Variants in KIF26B observed in about 807,000 individuals in gnomAD.
KIF26B encodes the protein kinesin family member 26B.
KIF26B carries 63 observed loss-of-function variants against 151.2 expected under a neutral mutation model. That is an observed-to-expected ratio of 0.42 (90% confidence interval 0.34 to 0.51). KIF26B has a LOEUF of 0.51. Among genes scored for constraint, KIF26B ranks in the 20% least tolerant of loss-of-function variants. The pLI is 0.07. For synonymous variants in KIF26B, 1,357 were observed against 1,262.1 expected, an observed-to-expected ratio of 1.08 and a Z score of -1.59; for missense variants, 2,813 against 2,913.6, an observed-to-expected ratio of 0.97 and a Z score of 0.79.
chr1:245,610,407 C>T (rs886602891), intron 8 of KIF26B, among the ~76,000 whole-genome samples: 6 of 152,010 alleles, frequency 3.9e-5, no homozygotes, highest in Admixed American at 1.3e-4. Flanking sequence ...TCGCTGGGCA[C>T]CCCCCCAGAG....
intron 10 of KIF26B, among the ~76,000 whole-genome samples, chr1:245,652,839 C>G (rs1357364578): frequency 6.6e-6 from 1 of 152,144 alleles, no homozygotes; most frequent in East Asian, 1.9e-4. Flanking sequence ...GGCGGCAAAG[C>G]CACGGCTCAT....
At position 245,546,007 on chromosome 1, in the gene KIF26B, G is replaced by A. The variant is rs147976501; in HGVS notation, c.1350+5057G>A. Among the ~76,000 whole-genome samples, 685 of 152,276 alleles carry A rather than the reference G, an allele frequency of 4.5e-3. 7 individuals carry two copies. Among genetic ancestry groups the A allele is most frequent in the African/African-American group, 0.015 (639 of 41,550 alleles). ...ATTTTTAAAAGTGAGAATGGTAATG[G>A]TGACAGTCATATTGGATTGATGACA... On this transcript the variant is annotated intron_variant, in intron 5 of 14. Coordinates refer to ENST00000407071, the MANE Select transcript of KIF26B (RefSeq NM_018012.4).
intron 9 of KIF26B, among the ~76,000 whole-genome samples, chr1:245,623,038 T>C (rs1005701505): frequency 6.9e-6 from 1 of 144,798 alleles, no homozygotes; most frequent in African/African-American, 2.6e-5. Flanking sequence ...TTTTTTTTTT[T>C]TTTTTTTTTT....
intron 2 of KIF26B, among the ~76,000 whole-genome samples, chr1:245,251,557 T>G (rs1176689782): frequency 6.6e-6 from 1 of 152,178 alleles, no homozygotes; most frequent in Non-Finnish European, 1.5e-5. Context: ...ACACATTCCT[T>G]TTTGTATTTA....
At chr1:245,470,890 A>G (rs1261821240) in intron 4 of KIF26B, among the ~76,000 whole-genome samples, 1 of 151,756 alleles carries the variant, frequency 6.6e-6, no homozygotes, top group Non-Finnish European at 1.5e-5. Flanking sequence ...AATTTCATCA[A>G]TTTCATATTC....
chr1:245,651,392 C>A (rs1462087808), intron 10 of KIF26B, among the ~76,000 whole-genome samples: 1 of 152,178 alleles, frequency 6.6e-6, no homozygotes, highest in Non-Finnish European at 1.5e-5. Context: ...GCAGCAGGCC[C>A]AGCATTGGCA....
chr1:245,320,675 TTTTA>T (rs981411763), intron 2 of KIF26B, among the ~76,000 whole-genome samples: 30 of 152,018 alleles, frequency 2.0e-4, no homozygotes, highest in Non-Finnish European at 3.1e-4. Flanking sequence ...TTTTGTTTTG[TTTTA>T]TTTATTTATT....
rs1660867315 is a variant in KIF26B, at chr1:245,512,973, C to G, written c.1167-27794C>G. The stretch of plus-strand genomic sequence containing the variant: ...CCTTGTTTTGGGTTCCCTGTTAAAG[C>G]AGATACCAGTTATAGCCTTCCTGGG... On this transcript the variant is annotated intron_variant, in intron 4 of 14. Coordinates refer to ENST00000407071, the MANE Select transcript of KIF26B (RefSeq NM_018012.4). This position sits in a 1 kb window ranked among gnomAD's most constrained non-coding sequence, Gnocchi z 4.3. Among the ~76,000 whole-genome samples the G allele has an allele frequency of 6.6e-6, 1 of 152,162 alleles. No individual in the cohort carries two copies. Among genetic ancestry groups the G allele is most frequent in the African/African-American group, 2.4e-5 (1 of 41,440 alleles).
intron 2 of KIF26B, among the ~76,000 whole-genome samples, chr1:245,186,381 T>C (rs980296825): frequency 6.6e-6 from 1 of 152,194 alleles, no homozygotes; most frequent in Non-Finnish European, 1.5e-5. Context: ...GCGAGCACCT[T>C]ACTGAGTTTC....
At chr1:245,616,436 C>T (rs146490795) in intron 9 of KIF26B, among the ~76,000 whole-genome samples, 2 of 152,266 alleles carry the variant, frequency 1.3e-5, no homozygotes, top group Admixed American at 6.5e-5. Flanking sequence ...GTACTGGGCA[C>T]CTAAAACAAG....
rs183728887 is a variant in KIF26B at position 245,309,614 on chromosome 1, G to T, written c.466-57220G>T. On this transcript the variant is annotated intron_variant, in intron 2 of 14. Coordinates refer to ENST00000407071, the MANE Select transcript of KIF26B (RefSeq NM_018012.4). Reference sequence around the variant, plus strand: ...TGGGATCTGTCATTCTCCATCTTATGATAAATCAATAAATACCTCTCTCAT... The same window carrying T: ...TGGGATCTGTCATTCTCCATCTTATTATAAATCAATAAATACCTCTCTCAT... Among the ~76,000 whole-genome samples the T allele has an allele frequency of 3.3e-3, 498 of 150,520 alleles. 3 individuals carry two copies. The highest frequency in any genetic ancestry group is 0.012 in the African/African-American group (472 of 41,008).
chr1:245,390,942 A>AAAAAAAAAAAAACAAAACAAAAC (rs1673678668), intron 3 of KIF26B, among the ~76,000 whole-genome samples: 1 of 145,352 alleles, frequency 6.9e-6, no homozygotes, highest in African/African-American at 2.6e-5. Context: ...AAAAAAAAAA[A>AAAAAAAAAAAAACAAAACAAAAC]AAAAAAAAAA....
chr1:245,561,106 T>A (rs150437947), intron 5 of KIF26B, among the ~76,000 whole-genome samples: 1 of 152,204 alleles, frequency 6.6e-6, no homozygotes, highest in African/African-American at 2.4e-5. Flanking sequence ...GGGAACCTTT[T>A]CAGCCTATGG....
At chr1:245,177,775 A>G (rs1236615467) in intron 2 of KIF26B, among the ~76,000 whole-genome samples, 1 of 152,016 alleles carries the variant, frequency 6.6e-6, no homozygotes, top group African/African-American at 2.4e-5. Context: ...GACCCTTCAA[A>G]TGAGACTAGG....
At chr1:245,483,656 G>A (rs1660216404) in intron 4 of KIF26B, among the ~76,000 whole-genome samples, 2 of 151,944 alleles carry the variant, frequency 1.3e-5, no homozygotes, top group African/African-American at 2.4e-5. Context: ...GAATGCACAC[G>A]TATGCATGAA....
rs144077417 is a variant in KIF26B at position 245,230,700 on chromosome 1, G to A, written c.465+74017G>A. On this transcript the variant is annotated intron_variant, in intron 2 of 14. Coordinates refer to ENST00000407071, the MANE Select transcript of KIF26B (RefSeq NM_018012.4). ...AGAGGTTGTGGTGAGCCAAGATTGC[G>A]CCATTGCACTCCAGCCTGGGCAACA... 4.0e-3 allele frequency among the ~76,000 whole-genome samples: 611 copies of A among 151,204 alleles called. 11 individuals are homozygous for A. Among genetic ancestry groups the A allele is most frequent in the East Asian group, 0.019 (98 of 5,138 alleles).
intron 3 of KIF26B, among the ~76,000 whole-genome samples, chr1:245,394,686 TTC>T (rs1438707956): frequency 4.8e-5 from 7 of 144,636 alleles, no homozygotes; most frequent in African/African-American, 1.4e-4. Context: ...GTTTTTTTCT[TTC>T]TTTTTTTTTT....
At chr1:245,365,503 G>T (rs1672924517) in intron 2 of KIF26B, among the ~76,000 whole-genome samples, 1 of 147,550 alleles carries the variant, frequency 6.8e-6, no homozygotes, top group African/African-American at 2.6e-5. Context: ...CCCCGTCACT[G>T]CCTCACAACT....
intron 5 of KIF26B, among the ~76,000 whole-genome samples, chr1:245,588,563 C>A (rs1451663902): frequency 1.3e-5 from 2 of 152,216 alleles, no homozygotes; most frequent in Admixed American, 6.5e-5. Context: ...CAGACCCCCT[C>A]CAGTCCTTCC....
Sources: gnomAD v4.1 joint callset for allele counts (sites outside exome capture counted in the v4.1 genomes callset) on GRCh38, gnomAD v4.1.1 for gene constraint, Gnocchi (gnomAD v3.1) non-coding constraint, MANE v1.5 for transcripts, NCBI Gene and HGNC (gene_info 2026-07-23, HGNC 2026-07-21) for gene names.